Variants in ACYP2 observed in about 807,000 individuals in gnomAD.
The protein encoded by ACYP2 is acylphosphatase-2.
In ACYP2, 12 loss-of-function variants were observed where a neutral mutation model predicts 11.2. The observed-to-expected ratio is 1.08, with a 90% CI of 0.69 to 1.74. ACYP2 has a LOEUF of 1.74. ACYP2 is among the 40% of genes most tolerant of loss of function. The pLI is 0.00. For synonymous variants in ACYP2, 43 were observed against 32.2 expected (o/e 1.33, Z -1.13); for missense variants, 134 against 101.9 (o/e 1.31, Z -1.35).
At chr2:54,037,153 C>T (rs370273808) in intron 2 of ACYP2, among the ~76,000 whole-genome samples, 4 of 152,300 alleles carry the variant, frequency 2.6e-5, no homozygotes, top group African/African-American at 9.6e-5. Context: ...CGCTCTGTCA[C>T]CCAGGTTGGA....
chr2:54,024,452 G>A (rs7588319), intron 2 of ACYP2, among the ~76,000 whole-genome samples: 14,226 of 152,182 alleles, frequency 0.093, 893 homozygotes, highest in African/African-American at 0.18. Flanking sequence ...ATCAATAAAT[G>A]TGATACACCA....
chr2:53,993,140 A>G (rs1672388163), intron 2 of ACYP2, among the ~76,000 whole-genome samples: 2 of 152,158 alleles, frequency 1.3e-5, no homozygotes, highest in African/African-American at 2.4e-5. Flanking sequence ...CAGGAGGCAG[A>G]GGTTGCGGTG....
chr2:54,115,314 A>T (rs1679685572), intron 4 of ACYP2: 1 of 486,012 alleles, frequency 2.1e-6, no homozygotes, highest in African/African-American at 2.0e-5. Context: ...TGTCAATTAC[A>T]CTTTAATAAA....
At chr2:54,217,935 A>G (rs1032397208) in intron 6 of ACYP2, among the ~76,000 whole-genome samples, 3 of 152,156 alleles carry the variant, frequency 2.0e-5, no homozygotes, top group African/African-American at 4.8e-5. Flanking sequence ...TTCCCCAAAT[A>G]TACCATCTCA....
At chr2:54,281,060 G>T (rs889687309) in intron 6 of ACYP2, among the ~76,000 whole-genome samples, 5 of 152,208 alleles carry the variant, frequency 3.3e-5, no homozygotes, top group African/African-American at 4.8e-5. Context: ...AGCTTCCTCA[G>T]AGAGAAGTTG....
chr2:54,142,014 TA>T (rs1681634358), intron 6 of ACYP2: 17 of 423,748 alleles, frequency 4.0e-5, no homozygotes, highest in African/African-American at 1.8e-4. Context: ...TGTGTGTGTA[TA>T]TTTTGTTGTT....
chr2:54,101,398 C>T (rs1005844488), intron 4 of ACYP2, among the ~76,000 whole-genome samples: 7 of 152,156 alleles, frequency 4.6e-5, no homozygotes, highest in African/African-American at 1.4e-4. Flanking sequence ...GGGCCGGGCG[C>T]GGTGGCTCAC....
At chr2:54,149,819 G>A (rs1682063108) in intron 6 of ACYP2, among the ~76,000 whole-genome samples, 1 of 152,180 alleles carries the variant, frequency 6.6e-6, no homozygotes, top group South Asian at 2.1e-4. Flanking sequence ...ACATGGCCTG[G>A]AAAACTATGT....
At chr2:54,223,796 T>C (rs1656702155) in intron 6 of ACYP2, among the ~76,000 whole-genome samples, 1 of 152,230 alleles carries the variant, frequency 6.6e-6, no homozygotes, top group Admixed American at 6.5e-5. Context: ...TTCTAGCAAC[T>C]TGGCAGACAT....
At chr2:54,069,528 G>C (rs914982243) in intron 4 of ACYP2, among the ~76,000 whole-genome samples, 3 of 152,126 alleles carry the variant, frequency 2.0e-5, no homozygotes, top group Non-Finnish European at 2.9e-5. Context: ...CGGGCGTGGT[G>C]GCGGGCGCCT....
At chr2:54,013,316 T>TG (rs1558471472) in intron 2 of ACYP2, among the ~76,000 whole-genome samples, 9 of 131,210 alleles carry the variant, frequency 6.9e-5, no homozygotes, top group Non-Finnish European at 1.5e-4. Context: ...TGTGTGTGTG[T>TG]TTTGAGACAG....
At position 53,978,469 on chromosome 2, in the gene ACYP2, C is replaced by G. The variant is rs571495839; in HGVS notation, c.62+4659C>G. On this transcript the variant is annotated intron_variant, in intron 2 of 6. Transcript: ENST00000607452. ...AAGGACCACATAGACAGTGGTCCCACAAGATTATAATGGAGCTGAAAAGTT... is the reference window on the plus strand; with the variant it reads ...AAGGACCACATAGACAGTGGTCCCAGAAGATTATAATGGAGCTGAAAAGTT... Among the ~76,000 whole-genome samples the G allele has an allele frequency of 2.0e-5, 3 of 152,292 alleles. No homozygotes were observed. The South Asian group carries it at 6.2e-4, about 32-fold the overall frequency.
chr2:54,198,019 A>G (rs1030772161), intron 6 of ACYP2, among the ~76,000 whole-genome samples: 5 of 137,262 alleles, frequency 3.6e-5, no homozygotes, highest in Non-Finnish European at 6.1e-5. Flanking sequence ...ATTGTATTGT[A>G]TTGTATTGTA....
intron 6 of ACYP2, among the ~76,000 whole-genome samples, chr2:54,209,308 G>T (rs1558614901): frequency 6.6e-6 from 1 of 152,026 alleles, no homozygotes; most frequent in East Asian, 1.9e-4. Flanking sequence ...AATTGTAATG[G>T]AAGGGGGATA....
intron 2 of ACYP2, among the ~76,000 whole-genome samples, chr2:54,009,626 G>A (rs570214095): frequency 6.6e-6 from 1 of 152,068 alleles, no homozygotes; most frequent in African/African-American, 2.4e-5. Flanking sequence ...TTTAGAGTTA[G>A]AGTGCAGTTA....
intron 6 of ACYP2, among the ~76,000 whole-genome samples, chr2:54,296,853 T>G (rs1431231820): frequency 6.6e-6 from 1 of 151,922 alleles, no homozygotes; most frequent in Admixed American, 6.5e-5. Flanking sequence ...AGATGAACCT[T>G]CTTTTTTGTT....
At chr2:54,182,205 G>T (rs374039824) in intron 6 of ACYP2, among the ~76,000 whole-genome samples, 7 of 151,300 alleles carry the variant, frequency 4.6e-5, no homozygotes, top group African/African-American at 1.5e-4. Context: ...GATTACAGGC[G>T]CCCGCCACCA....
At chr2:54,290,585 G>C (rs1335750932) in intron 6 of ACYP2, among the ~76,000 whole-genome samples, 1 of 149,994 alleles carries the variant, frequency 6.7e-6, no homozygotes, top group East Asian at 1.9e-4. Flanking sequence ...GCCAGGACAA[G>C]GCTTAAGTGA....
In ACYP2 at chr2:53,985,145, C is replaced by G. The variant is rs376957053; in HGVS notation, c.62+11335C>G. Among the ~76,000 whole-genome samples the G allele has an allele frequency of 4.6e-5, 7 of 151,454 alleles. No homozygotes were observed. In the South Asian group the frequency reaches 1.5e-3, roughly 32 times the overall value. ...AGCACAGTGGCGCAATTTCCGCTCA[C>G]TGCAAGCTCTGCCTCCCTGGTTCCC... On this transcript the variant is annotated intron_variant, in intron 2 of 6. Coordinates refer to ENST00000607452, the MANE Select transcript of ACYP2 (RefSeq NM_001320586.2).
Sources: gnomAD v4.1 joint callset for allele counts (sites outside exome capture counted in the v4.1 genomes callset) on GRCh38, gnomAD v4.1.1 for gene constraint, MANE v1.5 for transcripts, NCBI Gene and HGNC (gene_info 2026-07-23, HGNC 2026-07-21) for gene names.